ZNF385D: variants seen among roughly 807,000 people sequenced by gnomAD.
The protein encoded by ZNF385D is zinc finger protein 385D.
Under a neutral mutation model 35.8 loss-of-function variants are expected in ZNF385D, and 15 were observed. The observed-to-expected ratio is 0.42, with a 90% confidence interval of 0.28 to 0.64. The LOEUF is 0.64. Ranked by LOEUF, ZNF385D falls within the 30% of genes least tolerant of loss-of-function variation. The pLI, the probability that ZNF385D is intolerant of heterozygous loss-of-function variation, is 0.23. For synonymous variants in ZNF385D, 212 were observed against 186.8 expected, an observed-to-expected ratio of 1.13 and a Z score of -1.10; for missense variants, 474 against 494.6, an observed-to-expected ratio of 0.96 and a Z score of 0.39.
intron 3 of ZNF385D, among the ~76,000 whole-genome samples, chr3:21,842,715 C>G (rs997060318): frequency 6.6e-6 from 1 of 152,050 alleles, no homozygotes; most frequent in Non-Finnish European, 1.5e-5. Context: ...CAATCCATCA[C>G]CTTTTGAATG....
chr3:22,133,157 T>C, intron 3 of ZNF385D, among the ~76,000 whole-genome samples: 1 of 152,166 alleles, frequency 6.6e-6, no homozygotes, highest in East Asian at 1.9e-4. Context: ...TACCCTCAAA[T>C]ACCCTTCCTG....
At chr3:21,957,597 T>A (rs906652259) in intron 3 of ZNF385D, among the ~76,000 whole-genome samples, 1 of 152,204 alleles carries the variant, frequency 6.6e-6, no homozygotes, top group East Asian at 1.9e-4. Context: ...CCAGAGGACA[T>A]GCATAAGGTA....
intron 1 of ZNF385D, among the ~76,000 whole-genome samples, chr3:21,709,222 A>C (rs2068013197): frequency 6.6e-6 from 1 of 152,306 alleles, no homozygotes; most frequent in Admixed American, 6.5e-5. Flanking sequence ...TCCTTTCAGA[A>C]ACAATGATAC....
intron 3 of ZNF385D, among the ~76,000 whole-genome samples, chr3:22,000,020 T>A (rs559749294): frequency 1.3e-5 from 2 of 152,244 alleles, no homozygotes; most frequent in East Asian, 3.9e-4. Context: ...AAAGGTTTTA[T>A]CTAGGCCGGG....
intron 3 of ZNF385D, among the ~76,000 whole-genome samples, chr3:22,028,213 A>C (rs1194284282): frequency 1.3e-5 from 2 of 152,208 alleles, no homozygotes; most frequent in Non-Finnish European, 2.9e-5. Context: ...CTTGTATTCC[A>C]TGTGATATTA....
intron 4 of ZNF385D, among the ~76,000 whole-genome samples, chr3:21,498,703 G>A (rs969614591): frequency 6.6e-6 from 1 of 151,978 alleles, no homozygotes. Context: ...TCACACTTTG[G>A]GAGGCCAAGG....
At chr3:21,827,778 G>C (rs745530382) in intron 3 of ZNF385D, among the ~76,000 whole-genome samples, 1 of 152,192 alleles carries the variant, frequency 6.6e-6, no homozygotes, top group East Asian at 1.9e-4. Context: ...CAAAATGTGC[G>C]TGACATTTGG....
Position 21,510,872 on chromosome 3 carries a change from G to C in ZNF385D, c.428C>G (p.Ser143Cys). 1 of 1,614,084 alleles carries C rather than the reference G, an allele frequency of 6.2e-7. No homozygotes were observed. Among genetic ancestry groups the C allele is most frequent in the Non-Finnish European group, 8.5e-7 (1 of 1,179,954 alleles). The change falls in exon 4 of 8, where the codon TCT (serine) becomes TGT (cysteine). Residue 143 changes from serine (S) to cysteine (C), a missense_variant. Coordinates refer to ENST00000281523, the MANE Select transcript of ZNF385D (RefSeq NM_024697.3). ...GATCATTGCTTAACCTGTTTTGTCA[G>C]AGCTGGTATTGATGGTATTGGTAGT... ...SITTNTINTS[S>C]DKTDGTAGTP...
intron 2 of ZNF385D, among the ~76,000 whole-genome samples, chr3:21,584,274 C>T (rs145187793): frequency 2.0e-3 from 300 of 152,214 alleles, no homozygotes; most frequent in African/African-American, 6.6e-3. Flanking sequence ...CCATTGCACC[C>T]GGCCCATTTA....
intron 2 of ZNF385D, among the ~76,000 whole-genome samples, chr3:22,191,339 T>C (rs1333236621): frequency 6.6e-6 from 1 of 151,840 alleles, no homozygotes; most frequent in Admixed American, 6.6e-5. Context: ...AATACAAAAT[T>C]AGCCGCGCAT....
At chr3:22,363,045 G>T (rs935198867) in intron 2 of ZNF385D, among the ~76,000 whole-genome samples, 5 of 151,978 alleles carry the variant, frequency 3.3e-5, no homozygotes, top group African/African-American at 9.7e-5. Flanking sequence ...AACTTAGTTC[G>T]CTGTGCCCTA....
At chr3:21,535,037 A>C (rs376970395) in intron 3 of ZNF385D, among the ~76,000 whole-genome samples, 1 of 152,142 alleles carries the variant, frequency 6.6e-6, no homozygotes, top group Non-Finnish European at 1.5e-5. Context: ...CATCTAAAGA[A>C]CACAGCAACA....
At chr3:21,478,784 T>C (rs914091486) in intron 4 of ZNF385D, among the ~76,000 whole-genome samples, 5 of 152,102 alleles carry the variant, frequency 3.3e-5, no homozygotes, top group African/African-American at 1.2e-4. Context: ...CTATCTTCCA[T>C]AAAAAACACC....
In ZNF385D at chr3:22,359,804, A is replaced by C. The variant is rs939436948; in HGVS notation, c.106+12646T>G. 2.0e-5 allele frequency among the ~76,000 whole-genome samples: 3 copies of C among 151,950 alleles called. No individual in the cohort carries two copies. The East Asian group carries it at 5.8e-4, about 29-fold the overall frequency. On this transcript the variant is annotated intron_variant, in intron 2 of 5. Coordinates refer to the ZNF385D transcript ENST00000494108. ...CTCATTGGTAAGGAAACTAGTTATGAAACATATATAAACAAATGAATTTAT... is the reference window on the plus strand; with the variant it reads ...CTCATTGGTAAGGAAACTAGTTATGCAACATATATAAACAAATGAATTTAT...
intron 2 of ZNF385D, among the ~76,000 whole-genome samples, chr3:21,647,806 ATAT>A (rs1369254969): frequency 6.6e-6 from 1 of 152,210 alleles, no homozygotes; most frequent in Non-Finnish European, 1.5e-5. Context: ...ATGTGCTATA[ATAT>A]TATATGTCAT....
chr3:22,133,917 C>A (rs899498017), intron 3 of ZNF385D: 1 of 151,416 alleles, frequency 6.6e-6, no homozygotes, highest in Non-Finnish European at 1.5e-5. Context: ...GAAAAAAAAA[C>A]AACCTCTTTT....
At chr3:21,911,666 AT>A (rs138106987) in intron 3 of ZNF385D, among the ~76,000 whole-genome samples, 10,121 of 151,880 alleles carry the variant, frequency 0.067, 448 homozygotes, top group South Asian at 0.21. Context: ...GAAGGCATAC[AT>A]TTTTTTATTA....
At chr3:22,108,378 T>G (rs930880686) in intron 3 of ZNF385D, among the ~76,000 whole-genome samples, 2 of 152,108 alleles carry the variant, frequency 1.3e-5, no homozygotes, top group Non-Finnish European at 1.5e-5. Context: ...GTTTTTTTTT[T>G]GCATGATCTG....
intron 2 of ZNF385D, among the ~76,000 whole-genome samples, chr3:22,297,738 G>A (rs1030701074): frequency 2.0e-5 from 3 of 151,990 alleles, no homozygotes; most frequent in African/African-American, 7.2e-5. Context: ...ATTTTCTTAT[G>A]TAATATAGAA....
Sources: gnomAD v4.1 joint callset for allele counts (sites outside exome capture counted in the v4.1 genomes callset) on GRCh38, gnomAD v4.1.1 for gene constraint, MANE v1.5 for transcripts, NCBI Gene and HGNC (gene_info 2026-07-23, HGNC 2026-07-21) for gene names.